MICAL2: variants seen among roughly 807,000 people sequenced by gnomAD.
MICAL2 encodes the protein microtubule associated monooxygenase, calponin and LIM domain containing 2, also known as [F-actin]-monooxygenase MICAL2.
In MICAL2, 77 loss-of-function variants were observed where a neutral mutation model predicts 127.3. The observed-to-expected ratio is 0.60, with a 90% CI of 0.50 to 0.73. MICAL2 has a LOEUF of 0.73. MICAL2 is among the 30% of genes least tolerant of loss of function. The probability of loss-of-function intolerance (pLI) is 0.00; values close to 1 mark genes in which losing one functional copy is unlikely to be tolerated. For synonymous variants in MICAL2, 570 were observed against 551.1 expected (o/e 1.03, Z -0.48); for missense variants, 1,351 against 1,434.4 (o/e 0.94, Z 0.94).
chr11:12,239,670 T>C (rs1206231464), intron 17 of MICAL2, 85 bp downstream of exon 17: 23 of 1,503,828 alleles, frequency 1.5e-5, no homozygotes, highest in Non-Finnish European at 2.1e-5. Context: ...ACTTCAGATA[T>C]GCCAGCCAGG....
At position 12,263,603 on chromosome 11, in the gene MICAL2, TC is replaced by T. The variant is rs1863409028; in HGVS notation, c.*65del. On this transcript the variant is annotated 3_prime_UTR_variant, in exon 28 of 28. Coordinates refer to ENST00000683283, the MANE Select transcript of MICAL2 (RefSeq NM_001282663.2). ...GAATGTCAACCAAAGAGTGCCCTCC[TC>T]CCCTCTCAGCCTCCTCTTTAGCTAG... is the stretch of plus-strand genomic sequence containing the variant. 1.3e-5 allele frequency: 2 copies of T among 152,562 alleles called. No individual in the cohort carries two copies. The highest frequency in any genetic ancestry group is 4.8e-5 in the African/African-American group (2 of 41,402). 9.5% of individuals were successfully genotyped at this position (152,562 alleles called of 1,614,324 possible). A position where few individuals can be genotyped will look rare whatever the true frequency, so the allele number is the denominator to read the frequency against.
At chr11:12,299,561 A>G (rs1200662924) in intron 29 of MICAL2, among the ~76,000 whole-genome samples, 1 of 152,244 alleles carries the variant, frequency 6.6e-6, no homozygotes, top group Admixed American at 6.5e-5. Flanking sequence ...AACTAATTTC[A>G]GGTACTTGTC....
At chr11:12,297,200 C>T (rs1208072709), downstream of MICAL2, among the ~76,000 whole-genome samples, 1 of 152,178 alleles carries the variant, frequency 6.6e-6, no homozygotes, top group African/African-American at 2.4e-5. Flanking sequence ...TCTACATTTG[C>T]ACTAACTGGT....
chr11:12,125,803 G>A (rs1026190424), intron 1 of MICAL2, among the ~76,000 whole-genome samples: 1 of 152,244 alleles, frequency 6.6e-6, no homozygotes, highest in African/African-American at 2.4e-5. Context: ...GAGTAGGAGG[G>A]AAACTTTTTC....
intron 3 of MICAL2, among the ~76,000 whole-genome samples, chr11:12,186,450 C>T (rs994916985): frequency 2.6e-5 from 4 of 152,274 alleles, no homozygotes; most frequent in African/African-American, 9.6e-5. Flanking sequence ...GCCCTTTCCA[C>T]ATGCACTGTA....
chr11:12,173,053 T>C (rs559483277), intron 3 of MICAL2, among the ~76,000 whole-genome samples: 2 of 152,078 alleles, frequency 1.3e-5, no homozygotes, highest in Non-Finnish European at 2.9e-5. Context: ...ATTATAATTA[T>C]ATTACATTAA....
At chr11:12,344,004 C>G (rs1235728579) in intron 32 of MICAL2, among the ~76,000 whole-genome samples, 1 of 152,162 alleles carries the variant, frequency 6.6e-6, no homozygotes, top group Non-Finnish European at 1.5e-5. Flanking sequence ...TTTGAAATGT[C>G]TTGCATATTG....
intron 32 of MICAL2, chr11:12,349,778 A>G (rs1036185991): frequency 2.0e-6 from 3 of 1,531,992 alleles, no homozygotes; most frequent in Non-Finnish European, 9.0e-7. Flanking sequence ...GGCTCAAAGC[A>G]GTTTGATCAT....
downstream of MICAL2, chr11:12,294,437 T>A: frequency 1.2e-6 from 2 of 1,614,180 alleles, no homozygotes; most frequent in South Asian, 2.2e-5. Flanking sequence ...GTCCTCAGCC[T>A]TTAGCCCTCC....
intron 26 of MICAL2, chr11:12,260,475 T>C: frequency 8.9e-7 from 1 of 1,118,676 alleles, no homozygotes. Flanking sequence ...TCTATGAGTG[T>C]CAATTTTTCT....
chr11:12,320,829 G>T (rs1864286323), intron 30 of MICAL2, among the ~76,000 whole-genome samples: 1 of 152,038 alleles, frequency 6.6e-6, no homozygotes, highest in Non-Finnish European at 1.5e-5. Flanking sequence ...AAGAAAGAGG[G>T]AGGGAGAAGA....
At chr11:12,288,564 C>T (rs1438766641), downstream of MICAL2, among the ~76,000 whole-genome samples, 1 of 152,136 alleles carries the variant, frequency 6.6e-6, no homozygotes, top group Non-Finnish European at 1.5e-5. Flanking sequence ...TATTGCACAG[C>T]GTTTCTCGAG....
intron 3 of MICAL2, among the ~76,000 whole-genome samples, chr11:12,176,481 A>G (rs1034824751): frequency 1.6e-4 from 25 of 152,310 alleles, no homozygotes; most frequent in Admixed American, 7.8e-4. Flanking sequence ...CTTTTGTGAC[A>G]CAACTTTTTT....
chr11:12,236,880 C>A (rs781675073), intron 16 of MICAL2, among the ~76,000 whole-genome samples: 2 of 152,230 alleles, frequency 1.3e-5, no homozygotes, highest in African/African-American at 2.4e-5. Context: ...ACTCCACAAG[C>A]ATGCATATTG....
intron 26 of MICAL2, chr11:12,261,865 G>A: frequency 1.0e-6 from 1 of 985,968 alleles, no homozygotes; most frequent in African/African-American, 1.7e-5. Flanking sequence ...TCAGCATGGT[G>A]GGAGGAACCC....
intron 33 of MICAL2, among the ~76,000 whole-genome samples, chr11:12,353,691 A>G (rs1443802613): frequency 6.6e-6 from 1 of 151,724 alleles, no homozygotes; most frequent in Non-Finnish European, 1.5e-5. Context: ...TTCCCTGAGG[A>G]CTCACCTCAT....
intron 29 of MICAL2, among the ~76,000 whole-genome samples, chr11:12,308,375 G>A (rs959334973): frequency 3.3e-5 from 5 of 152,132 alleles, no homozygotes; most frequent in Non-Finnish European, 7.4e-5. Flanking sequence ...ACTGACACCT[G>A]TTTGGTCTTT....
intron 13 of MICAL2, among the ~76,000 whole-genome samples, chr11:12,225,026 T>A (rs1857245442): frequency 2.0e-5 from 3 of 152,200 alleles, no homozygotes; most frequent in African/African-American, 4.8e-5. Context: ...GGATAAAAAT[T>A]GGCTCCGGCT....
At chr11:12,228,326 A>G (rs1857746378) in intron 15 of MICAL2, among the ~76,000 whole-genome samples, 1 of 152,028 alleles carries the variant, frequency 6.6e-6, no homozygotes, top group East Asian at 1.9e-4. Flanking sequence ...GTGAAATTCC[A>G]CTTAAAAAAA....
Sources: allele counts gnomAD v4.1 joint callset (sites outside exome capture counted in the v4.1 genomes callset), GRCh38; gene constraint gnomAD v4.1.1; transcripts MANE v1.5; gene names NCBI Gene and HGNC (gene_info 2026-07-23, HGNC 2026-07-21).